CHD9: variants seen among roughly 807,000 people sequenced by gnomAD.
CHD9 encodes the protein ATP-dependent chromatin remodeler CHD9.
Under a neutral mutation model 316.1 loss-of-function variants are expected in CHD9, and 77 were observed. The ratio of observed to expected loss-of-function variants is 0.24; its 90% CI spans 0.20 to 0.29. CHD9 has a LOEUF of 0.29. Ranked by LOEUF, CHD9 falls within the 10% of genes least tolerant of loss-of-function variation. The pLI is 1.00. For synonymous variants in CHD9, 1,129 were observed against 1,158.3 expected (o/e 0.97, Z 0.51); for missense variants, 2,763 against 3,438.1 (o/e 0.80, Z 4.91).
At chr16:53,251,105 A>G (rs532060287) in intron 17 of CHD9, among the ~76,000 whole-genome samples, 2 of 152,358 alleles carry the variant, frequency 1.3e-5, no homozygotes, top group South Asian at 4.1e-4. Context: ...GGAAGGCTCA[A>G]TTAGTAAATA....
intron 3 of CHD9, among the ~76,000 whole-genome samples, chr16:53,210,746 A>G (rs1291036096): frequency 6.6e-6 from 1 of 152,130 alleles, no homozygotes; most frequent in Non-Finnish European, 1.5e-5. Context: ...GATATATTAT[A>G]TAGATATTTA....
chr16:53,082,880 C>T (rs1188227418), intron 1 of CHD9, among the ~76,000 whole-genome samples: 1 of 152,216 alleles, frequency 6.6e-6, no homozygotes, highest in Admixed American at 6.5e-5. Context: ...TAAGCTTCCT[C>T]CTCCATGCCC....
intron 1 of CHD9, among the ~76,000 whole-genome samples, chr16:53,096,378 G>A (rs1302129282): frequency 1.3e-5 from 2 of 152,156 alleles, no homozygotes; most frequent in African/African-American, 2.4e-5. Flanking sequence ...TTAGGTTGGT[G>A]CAAAAATAAT....
At chr16:53,297,258 C>A in intron 30 of CHD9, 100 bp downstream of exon 30, 1 of 783,562 alleles carries the variant, frequency 1.3e-6, no homozygotes, top group South Asian at 1.7e-5. Flanking sequence ...AATTTCAATA[C>A]TATCTAATTC....
chr16:53,190,160 T>A (rs1371330527), intron 2 of CHD9, among the ~76,000 whole-genome samples: 1 of 152,146 alleles, frequency 6.6e-6, no homozygotes, highest in East Asian at 1.9e-4. Flanking sequence ...ATCTCTCTAT[T>A]TGTAAGATTA....
intron 1 of CHD9, among the ~76,000 whole-genome samples, chr16:53,084,919 G>A (rs533515589): frequency 2.0e-5 from 3 of 152,306 alleles, no homozygotes; most frequent in African/African-American, 7.2e-5. Flanking sequence ...CAGGCATACA[G>A]GACCCACTTC....
intron 1 of CHD9, among the ~76,000 whole-genome samples, chr16:53,073,781 G>A (rs928684377): frequency 3.3e-5 from 5 of 152,130 alleles, no homozygotes; most frequent in Non-Finnish European, 7.3e-5. Flanking sequence ...TAATTCTGAG[G>A]CCTCCTCAGC....
intron 8 of CHD9, 79 bp from the exon 9 acceptor site, chr16:53,231,340 G>A: frequency 4.0e-6 from 3 of 749,160 alleles, no homozygotes; most frequent in South Asian, 3.5e-5. Flanking sequence ...GGTCTATAGT[G>A]AAATGCTAGT....
At chr16:53,063,402 A>AC (rs1567301846) in intron 1 of CHD9, among the ~76,000 whole-genome samples, 9 of 149,938 alleles carry the variant, frequency 6.0e-5, no homozygotes, top group Non-Finnish European at 8.9e-5. Context: ...ACACACACAC[A>AC]AAATGTGAAG....
At chr16:53,237,670 G>A (rs1045741061) in intron 11 of CHD9, among the ~76,000 whole-genome samples, 2 of 152,090 alleles carry the variant, frequency 1.3e-5, no homozygotes, top group Non-Finnish European at 2.9e-5. Context: ...ATCTCTTCTA[G>A]CCAGAGTTGA....
At chr16:53,241,953 C>T (rs2049139093) in intron 12 of CHD9, among the ~76,000 whole-genome samples, 1 of 152,200 alleles carries the variant, frequency 6.6e-6, no homozygotes, top group African/African-American at 2.4e-5. Context: ...GTCCCGCAGT[C>T]GGCTGCATCC....
chr16:53,104,297 C>G (rs1407572036), intron 1 of CHD9, among the ~76,000 whole-genome samples: 1 of 152,154 alleles, frequency 6.6e-6, no homozygotes, highest in African/African-American at 2.4e-5. Flanking sequence ...AAACCCATTT[C>G]ATGATGGCAG....
rs1464170741 is a variant in CHD9 at position 53,157,406 on chromosome 16, G to C, written c.1317G>C (p.Gln439His). 1 of 1,613,916 alleles carries C rather than the reference G, an allele frequency of 6.2e-7. No homozygotes were observed. The highest frequency in any genetic ancestry group is 1.3e-5 in the African/African-American group (1 of 74,942). ...SHILDHDLDR[Q>H]FTSHLVTRPS... ...TTTTAGATCATGACCTTGATCGGCA[G>C]TTTACTTCGCATCTGGTAACACGGC... Residue 439 changes from glutamine (Q) to histidine (H), a missense_variant, in exon 2 of 39, where the codon CAG becomes CAC. Coordinates refer to ENST00000447540, the MANE Select transcript of CHD9 (RefSeq NM_001308319.2).
At chr16:53,311,374 T>C (rs1032558253) in intron 34 of CHD9, 1 of 152,164 alleles carries the variant, frequency 6.6e-6, no homozygotes, top group Non-Finnish European at 1.5e-5. Context: ...CTTTTCCTGT[T>C]TGTGACATGA....
intron 18 of CHD9, 57 bp downstream of exon 18, chr16:53,254,662 C>A (rs1187522674): frequency 2.0e-6 from 3 of 1,474,964 alleles, no homozygotes; most frequent in East Asian, 4.6e-5. Flanking sequence ...TTTGATTTTA[C>A]CTCCAATAGT....
intron 2 of CHD9, among the ~76,000 whole-genome samples, chr16:53,205,185 T>G (rs976677632): frequency 6.6e-6 from 1 of 152,192 alleles, no homozygotes; most frequent in Non-Finnish European, 1.5e-5. Context: ...GGCCTGTGAC[T>G]TTATTTTAAA....
At chr16:53,243,129 G>A (rs1442162213) in intron 13 of CHD9, 113 bp downstream of exon 13, 2 of 647,660 alleles carry the variant, frequency 3.1e-6, no homozygotes, top group East Asian at 5.9e-5. Context: ...TAGTACATCT[G>A]AATCTTATCT....
At chr16:53,088,931 G>A (rs1036200093) in intron 1 of CHD9, among the ~76,000 whole-genome samples, 3 of 151,626 alleles carry the variant, frequency 2.0e-5, no homozygotes, top group African/African-American at 7.3e-5. Context: ...GGCCAATATG[G>A]TGAAACCCCA....
At position 53,231,412 on chromosome 16, in the gene CHD9, AT is replaced by A; in HGVS notation, c.2287-3del. ...CAGATGTCAATTAAGTTACCTTTTA[AT>A]TTTAGATGGAAGAAGAACCATTTAA... On this transcript the variant is annotated splice_region_variant and splice_polypyrimidine_tract_variant and intron_variant, in intron 8 of 38. Transcript: ENST00000447540. 1.3e-6 allele frequency: 2 copies of A among 1,531,004 alleles called. No individual in the cohort carries two copies. Among genetic ancestry groups the A allele is most frequent in the Non-Finnish European group, 1.8e-6 (2 of 1,114,760 alleles). The allele number at this position is 1,531,004 out of a possible 1,614,324, so 94.8% of individuals were successfully genotyped here. A position where few individuals can be genotyped will look rare whatever the true frequency, so the allele number is the denominator to read the frequency against.
Sources: allele counts gnomAD v4.1 joint callset (sites outside exome capture counted in the v4.1 genomes callset), GRCh38; gene constraint gnomAD v4.1.1; transcripts MANE v1.5; gene names NCBI Gene and HGNC (gene_info 2026-07-23, HGNC 2026-07-21).